The following UNC5D variants were observed in gnomAD, a reference collection of about 807,000 sequenced individuals.
The protein encoded by UNC5D is unc-5 netrin receptor D.
Under a neutral mutation model 105.4 loss-of-function variants are expected in UNC5D, and 39 were observed. The observed-to-expected ratio is 0.37, with a 90% confidence interval of 0.29 to 0.48. The LOEUF (loss-of-function observed/expected upper bound fraction) is 0.48, where lower values mean the gene tolerates loss of function less well. UNC5D is among the 20% of genes least tolerant of loss of function. UNC5D has a pLI of 0.98. For missense variants in UNC5D, 991 were observed against 1,202.4 expected, an observed-to-expected ratio of 0.82 and a Z score of 2.60; for synonymous variants, 452 against 450.4, an observed-to-expected ratio of 1.00 and a Z score of -0.04.
intron 1 of UNC5D, among the ~76,000 whole-genome samples, chr8:35,248,675 A>G (rs1453875361): frequency 9.8e-6 from 1 of 101,572 alleles, no homozygotes; most frequent in Admixed American, 1.5e-4. Flanking sequence ...TATATGTTAT[A>G]TATAATATAT....
At chr8:35,347,952 A>G (rs560594932) in intron 1 of UNC5D, among the ~76,000 whole-genome samples, 52 of 152,162 alleles carry the variant, frequency 3.4e-4, no homozygotes, top group African/African-American at 1.1e-3. Flanking sequence ...ACTAAATGCA[A>G]AGGAGAAATA....
In UNC5D at chr8:35,422,365, A is replaced by C. The variant is rs556798928; in HGVS notation, c.104-126927A>C. ...CAGTTATTCTATGTTTTGCTGAGCCAAGTACATTTGAATCAATCCTGGCGG... is the reference window on the plus strand; with the variant it reads ...CAGTTATTCTATGTTTTGCTGAGCCCAGTACATTTGAATCAATCCTGGCGG... On this transcript the variant is annotated intron_variant, in intron 1 of 16. Coordinates refer to ENST00000404895, the MANE Select transcript of UNC5D (RefSeq NM_080872.4). Among the ~76,000 whole-genome samples, 30 of 152,338 alleles carry C rather than the reference A, an allele frequency of 2.0e-4. No homozygotes were observed. The East Asian group carries it at 5.6e-3, about 28-fold the overall frequency.
chr8:35,408,318 T>C (rs1366168625), intron 1 of UNC5D, among the ~76,000 whole-genome samples: 2 of 151,946 alleles, frequency 1.3e-5, no homozygotes, highest in East Asian at 3.9e-4. Context: ...CTTTCTTTTT[T>C]ATTTATTTTT....
chr8:35,726,059 T>C, intron 9 of UNC5D, 93 bp from the exon 10 acceptor site: 11 of 1,492,874 alleles, frequency 7.4e-6, no homozygotes, highest in South Asian at 1.3e-5. Context: ...CTGGCACCTA[T>C]GCAGGCTGTT....
At chr8:35,310,982 T>A (rs972483888) in intron 1 of UNC5D, among the ~76,000 whole-genome samples, 1 of 152,130 alleles carries the variant, frequency 6.6e-6, no homozygotes, top group Non-Finnish European at 1.5e-5. Flanking sequence ...AGATACAGTG[T>A]CCACCCTAAT....
intron 7 of UNC5D, among the ~76,000 whole-genome samples, chr8:35,704,138 G>A (rs868458638): frequency 6.6e-6 from 1 of 152,036 alleles, no homozygotes; most frequent in African/African-American, 2.4e-5. Context: ...TCTTTTTAAA[G>A]AAATATTTGC....
At chr8:35,245,089 C>T (rs997702725) in intron 1 of UNC5D, among the ~76,000 whole-genome samples, 3 of 152,224 alleles carry the variant, frequency 2.0e-5, no homozygotes, top group East Asian at 1.9e-4. Flanking sequence ...CCTCAATCTG[C>T]GTACTTTTCT....
intron 4 of UNC5D, among the ~76,000 whole-genome samples, chr8:35,641,462 C>T (rs774567591): frequency 6.0e-5 from 9 of 151,150 alleles, no homozygotes; most frequent in Non-Finnish European, 1.2e-4. Flanking sequence ...AGATCTTTGC[C>T]AACTGTTTAA....
chr8:35,380,869 A>C (rs919149603), intron 1 of UNC5D, among the ~76,000 whole-genome samples: 6 of 152,218 alleles, frequency 3.9e-5, no homozygotes, highest in African/African-American at 1.4e-4. Flanking sequence ...GAAGCCTTGA[A>C]GACAAAGTAA....
At chr8:35,750,932 G>A in intron 13 of UNC5D, 123 bp downstream of exon 13, 1 of 1,136,502 alleles carries the variant, frequency 8.8e-7, no homozygotes, top group Non-Finnish European at 1.3e-6. Context: ...CACTGTAACT[G>A]CCCAGTGGGT....
At chr8:35,657,724 G>A (rs1453873141) in intron 4 of UNC5D, among the ~76,000 whole-genome samples, 1 of 152,116 alleles carries the variant, frequency 6.6e-6, no homozygotes, top group Non-Finnish European at 1.5e-5. Context: ...GACCTCAAGT[G>A]ATCCTCCTAC....
chr8:35,735,420 T>C (rs1053192168), intron 11 of UNC5D, among the ~76,000 whole-genome samples: 2 of 152,238 alleles, frequency 1.3e-5, no homozygotes, highest in Non-Finnish European at 2.9e-5. Context: ...TTGTAAGTCA[T>C]CTTATTGAAG....
chr8:35,646,224 T>C (rs1476822414), intron 4 of UNC5D, among the ~76,000 whole-genome samples: 4 of 152,100 alleles, frequency 2.6e-5, no homozygotes, highest in East Asian at 1.9e-4. Flanking sequence ...TGCAGATTAC[T>C]AGGTGATAGG....
chr8:35,346,604 T>C (rs1183602399), intron 1 of UNC5D, among the ~76,000 whole-genome samples: 1 of 152,044 alleles, frequency 6.6e-6, no homozygotes, highest in Non-Finnish European at 1.5e-5. Context: ...ATGTTATGTG[T>C]ATTAAATATT....
Position 35,756,635 on chromosome 8 carries a change from A to G in UNC5D, c.2164-2685A>G, listed in dbSNP as rs187581925. Among the ~76,000 whole-genome samples the G allele has an allele frequency of 5.7e-3, 872 of 152,170 alleles. 2 individuals are homozygous for G. The highest frequency in any genetic ancestry group is 0.014 in the Middle Eastern group (4 of 294). On this transcript the variant is annotated intron_variant, in intron 13 of 16. Coordinates refer to ENST00000404895, the MANE Select transcript of UNC5D (RefSeq NM_080872.4). ...AATCTAAGAGAAAAAACACTGGACC[A>G]TGATCAAGTTGCCCTGGTCAAAGTC...
At chr8:35,552,870 A>G (rs1816268164) in intron 2 of UNC5D, among the ~76,000 whole-genome samples, 2 of 152,194 alleles carry the variant, frequency 1.3e-5, no homozygotes, top group Non-Finnish European at 2.9e-5. Flanking sequence ...GGAGAGGGCA[A>G]CCAAGGGAAT....
intron 1 of UNC5D, chr8:35,525,248 G>A (rs532686106): frequency 1.3e-5 from 21 of 1,611,844 alleles, no homozygotes; most frequent in Middle Eastern, 2.2e-4. Flanking sequence ...GGCTTTCCAC[G>A]TCTCTAAAAT....
At position 35,793,888 on chromosome 8, in the gene UNC5D, T is replaced by G. The variant is rs1803153245; in HGVS notation, c.*3325T>G. 6.6e-6 allele frequency: 1 copy of G among 152,196 alleles called. No individual in the cohort carries two copies. The highest frequency in any genetic ancestry group is 2.4e-5 in the African/African-American group (1 of 41,466). The allele number at this position is 152,196 out of a possible 1,614,324, so 9.4% of individuals were successfully genotyped here. A position where few individuals can be genotyped will look rare whatever the true frequency, so the allele number is the denominator to read the frequency against. ...TTTTATTATTATTTTTATCTCCAAC[T>G]GCAGGTGGTGTCTTTTGCCAAGGTC... On this transcript the variant is annotated 3_prime_UTR_variant, in exon 17 of 17. Coordinates refer to ENST00000404895, the MANE Select transcript of UNC5D (RefSeq NM_080872.4).
chr8:35,629,196 C>T (rs1701690182), intron 4 of UNC5D, among the ~76,000 whole-genome samples: 1 of 152,152 alleles, frequency 6.6e-6, no homozygotes, highest in African/African-American at 2.4e-5. Context: ...TACTTAAACA[C>T]AGACACTTTA....
Sources: allele counts gnomAD v4.1 joint callset (sites outside exome capture counted in the v4.1 genomes callset), GRCh38; gene constraint gnomAD v4.1.1; transcripts MANE v1.5; gene names NCBI Gene and HGNC (gene_info 2026-07-23, HGNC 2026-07-21).